Variants in CNTNAP2 observed in about 807,000 individuals in gnomAD.
CNTNAP2 encodes the protein contactin associated protein 2.
A neutral mutation model predicts 155.2 loss-of-function variants in CNTNAP2; 98 were observed. The observed-to-expected ratio is 0.63, with a 90% CI of 0.54 to 0.75. The LOEUF is 0.75. CNTNAP2 is among the 30% of genes least tolerant of loss of function. The probability of loss-of-function intolerance (pLI) is 0.00; values close to 1 mark genes in which losing one functional copy is unlikely to be tolerated. For missense variants in CNTNAP2, 1,727 were observed against 1,688.1 expected (o/e 1.02, Z -0.40); for synonymous variants, 651 against 631.2 (o/e 1.03, Z -0.47).
At chr7:147,558,109 T>A (rs1319996233) in intron 11 of CNTNAP2, among the ~76,000 whole-genome samples, 1 of 152,226 alleles carries the variant, frequency 6.6e-6, no homozygotes, top group Non-Finnish European at 1.5e-5. Context: ...TATAAAGTGA[T>A]GTAGGAAATT....
chr7:146,473,423 T>C (rs1796828717), intron 1 of CNTNAP2, among the ~76,000 whole-genome samples: 1 of 152,164 alleles, frequency 6.6e-6, no homozygotes, highest in South Asian at 2.1e-4. Context: ...CTTCTTTTCC[T>C]ATTTTTTCCT....
At chr7:148,223,605 C>T (rs570572713) in intron 19 of CNTNAP2, among the ~76,000 whole-genome samples, 14 of 152,236 alleles carry the variant, frequency 9.2e-5, no homozygotes, top group South Asian at 6.2e-4. Flanking sequence ...CATCATTTAG[C>T]GGTCCTCTTC....
At chr7:148,398,734 GC>G (rs1278533291) in intron 22 of CNTNAP2, among the ~76,000 whole-genome samples, 1 of 152,146 alleles carries the variant, frequency 6.6e-6, no homozygotes, top group African/African-American at 2.4e-5. Flanking sequence ...GAAGTCCAAA[GC>G]CCTTACTGAT....
intron 15 of CNTNAP2, among the ~76,000 whole-genome samples, chr7:148,044,924 C>A (rs1802749961): frequency 6.6e-6 from 1 of 152,100 alleles, no homozygotes; most frequent in South Asian, 2.1e-4. Flanking sequence ...AACTCCTAGA[C>A]TCAAGCAATC....
intron 13 of CNTNAP2, chr7:147,643,596 T>C (rs1795320734): frequency 6.6e-6 from 1 of 152,248 alleles, no homozygotes; most frequent in Admixed American, 6.5e-5. Context: ...ATCCATTTAC[T>C]TATTCTTAAC....
At chr7:147,216,099 T>C (rs1314304755) in intron 8 of CNTNAP2, among the ~76,000 whole-genome samples, 2 of 151,892 alleles carry the variant, frequency 1.3e-5, no homozygotes, top group African/African-American at 4.8e-5. Context: ...TTATCTGGTA[T>C]GTGTTTTGCA....
chr7:148,177,026 G>C (rs1242145558), intron 18 of CNTNAP2, among the ~76,000 whole-genome samples: 2 of 152,128 alleles, frequency 1.3e-5, no homozygotes, highest in African/African-American at 2.4e-5. Flanking sequence ...AGAAATTAGA[G>C]ACATAATTTG....
intron 11 of CNTNAP2, among the ~76,000 whole-genome samples, chr7:147,490,936 C>T (rs1035054353): frequency 1.3e-5 from 2 of 152,052 alleles, no homozygotes; most frequent in African/African-American, 4.8e-5. Flanking sequence ...ACCATCATCT[C>T]GTGAGAACTC....
intron 1 of CNTNAP2, among the ~76,000 whole-genome samples, chr7:146,702,094 A>G (rs1366648685): frequency 6.6e-6 from 1 of 152,134 alleles, no homozygotes; most frequent in Non-Finnish European, 1.5e-5. Flanking sequence ...AAAAGAACAG[A>G]TGTTTCTATT....
At chr7:147,749,396 A>G (rs1018254755) in intron 13 of CNTNAP2, among the ~76,000 whole-genome samples, 1 of 152,188 alleles carries the variant, frequency 6.6e-6, no homozygotes, top group African/African-American at 2.4e-5. Flanking sequence ...TTACTTTCAT[A>G]GGTAATATTA....
chr7:147,162,479 G>A (rs1272061219), intron 8 of CNTNAP2, among the ~76,000 whole-genome samples: 2 of 152,144 alleles, frequency 1.3e-5, no homozygotes. Flanking sequence ...TGTTGCACAT[G>A]GGTGTAGACA....
chr7:147,740,629 G>T (rs1584931618), intron 13 of CNTNAP2, among the ~76,000 whole-genome samples: 2 of 152,216 alleles, frequency 1.3e-5, no homozygotes, highest in South Asian at 4.1e-4. Context: ...TCACTTTGTA[G>T]ATGAGTAAAG....
At chr7:146,790,631 G>C (rs1026729156) in intron 2 of CNTNAP2, among the ~76,000 whole-genome samples, 3 of 150,450 alleles carry the variant, frequency 2.0e-5, no homozygotes, top group African/African-American at 7.4e-5. Context: ...GTGCAGTGGC[G>C]CGATCTCAGC....
At chr7:147,693,717 CAGAT>C (rs1216337571) in intron 13 of CNTNAP2, among the ~76,000 whole-genome samples, 7 of 151,936 alleles carry the variant, frequency 4.6e-5, no homozygotes, top group Admixed American at 4.6e-4. Flanking sequence ...CTTATTAACT[CAGAT>C]AGTTTTTTTG....
At chr7:146,244,743 A>T (rs943350113) in intron 1 of CNTNAP2, among the ~76,000 whole-genome samples, 1 of 152,144 alleles carries the variant, frequency 6.6e-6, no homozygotes, top group Non-Finnish European at 1.5e-5. Context: ...TGGGAAGGCT[A>T]AACTGAGGAG....
chr7:146,581,927 C>A (rs1798617468), intron 1 of CNTNAP2, among the ~76,000 whole-genome samples: 1 of 152,028 alleles, frequency 6.6e-6, no homozygotes, highest in African/African-American at 2.4e-5. Flanking sequence ...TAAGGATATT[C>A]TGACCACGAG....
chr7:146,362,545 A>G (rs927268642), intron 1 of CNTNAP2, among the ~76,000 whole-genome samples: 4 of 152,164 alleles, frequency 2.6e-5, no homozygotes, highest in Non-Finnish European at 4.4e-5. Context: ...ATATGTTTTC[A>G]TATCTGAGGA....
intron 2 of CNTNAP2, among the ~76,000 whole-genome samples, chr7:146,827,233 A>G (rs1159081276): frequency 6.6e-6 from 1 of 152,082 alleles, no homozygotes; most frequent in Non-Finnish European, 1.5e-5. Flanking sequence ...TTAAATAATG[A>G]ATACAAATAA....
intron 8 of CNTNAP2, among the ~76,000 whole-genome samples, chr7:147,295,243 G>A (rs971310793): frequency 1.2e-4 from 18 of 147,680 alleles, no homozygotes; most frequent in Admixed American, 2.0e-4. Flanking sequence ...GTGCGCATGC[G>A]TGTGTACCCA....
Sources: allele counts gnomAD v4.1 joint callset (sites outside exome capture counted in the v4.1 genomes callset), GRCh38; gene constraint gnomAD v4.1.1; transcripts MANE v1.5; gene names NCBI Gene and HGNC (gene_info 2026-07-23, HGNC 2026-07-21).